Variants in CC2D2B observed in about 807,000 individuals in gnomAD.
CC2D2B encodes protein CC2D2B.
Under a neutral mutation model 161.2 loss-of-function variants are expected in CC2D2B, and 128 were observed. That is an observed-to-expected ratio of 0.79 (90% CI 0.69 to 0.92). CC2D2B has a LOEUF of 0.92. Ranked by LOEUF, CC2D2B falls within the 40% of genes least tolerant of loss-of-function variation. CC2D2B has a pLI of 0.00. For synonymous variants in CC2D2B, 391 were observed against 449.8 expected (o/e 0.87, Z 1.65); for missense variants, 1,173 against 1,375.1 (o/e 0.85, Z 2.32).
At chr10:95,927,365 A>G (rs775510563) in intron 6 of CC2D2B, 33 bp downstream of exon 6, 8 of 1,134,792 alleles carry the variant, frequency 7.0e-6, no homozygotes, top group Middle Eastern at 1.9e-4. Flanking sequence ...CCACCATCTC[A>G]CTCTCAGGAA....
intron 17 of CC2D2B, among the ~76,000 whole-genome samples, chr10:95,975,203 A>T (rs926994539): frequency 9.8e-5 from 15 of 152,352 alleles, no homozygotes; most frequent in African/African-American, 3.1e-4. Flanking sequence ...GAAAATTGTT[A>T]TACATAACTG....
chr10:95,988,278 T>C lies in CC2D2B; in HGVS notation c.2315T>C (p.Val772Ala). ...QEYESQKEKEVSVSDVNSITA... is the reference protein window; with the variant it reads ...QEYESQKEKEASVSDVNSITA... The stretch of plus-strand genomic sequence containing the variant: ...TATGAAAGTCAGAAAGAGAAGGAGG[T>C]ATCCGTTTCAGATGTAAATTCTATT... The change falls in exon 20 of 35, where the codon GTA becomes GCA. Residue 772 changes from valine (V) to alanine (A), a missense_variant. This residue lies in a region of CC2D2B where 277 missense variants were observed against 420.6 expected (regional missense o/e 0.66). Coordinates refer to ENST00000646931, the MANE Select transcript of CC2D2B (RefSeq NM_001349008.3). The C allele has an allele frequency of 8.2e-7, 1 of 1,226,498 alleles. No homozygotes were observed. The highest frequency in any genetic ancestry group is 1.0e-6 in the Non-Finnish European group (1 of 981,190). The allele number at this position is 1,226,498 out of a possible 1,614,324, so 76.0% of individuals were successfully genotyped here. A position where few individuals can be genotyped will look rare whatever the true frequency, so the allele number is the denominator to read the frequency against.
chr10:95,945,700 C>G (rs1475640876), intron 9 of CC2D2B, among the ~76,000 whole-genome samples: 9 of 151,930 alleles, frequency 5.9e-5, no homozygotes, highest in Non-Finnish European at 1.5e-5. Context: ...CTATTTAACT[C>G]ACTCGGTCAA....
chr10:95,944,545 G>A (rs544283018), intron 9 of CC2D2B, among the ~76,000 whole-genome samples: 12 of 152,328 alleles, frequency 7.9e-5, no homozygotes, highest in African/African-American at 2.6e-4. Context: ...ATATTTTGGT[G>A]TAATTATCTG....
rs78132234 is a variant in CC2D2B at position 95,922,728 on chromosome 10, C to G, written c.97+652C>G. ...CTAGGATTGCATGATCTTGCATGAT[C>G]TCTTTCATTCCATCCAGCAACCGAG... On this transcript the variant is annotated intron_variant, in intron 3 of 34. Transcript: ENST00000646931. Among the ~76,000 whole-genome samples, 811 of 152,248 alleles carry G rather than the reference C, an allele frequency of 5.3e-3. 13 individuals are homozygous for G. The East Asian group carries it at 0.068, about 13-fold the overall frequency.
intron 6 of CC2D2B, among the ~76,000 whole-genome samples, chr10:95,937,080 A>G (rs1455570970): frequency 6.6e-6 from 1 of 152,202 alleles, no homozygotes; most frequent in Non-Finnish European, 1.5e-5. Context: ...TGGCAGGGAT[A>G]TAGGAGGGAG....
chr10:95,984,528 AAT>A (rs1251584460), intron 19 of CC2D2B: 2 of 152,216 alleles, frequency 1.3e-5, no homozygotes, highest in Admixed American at 1.3e-4. Context: ...AGATAAAACA[AAT>A]ATGATAAAAT....
intron 3 of CC2D2B, among the ~76,000 whole-genome samples, 167 bp from the exon 4 acceptor site, chr10:95,924,147 A>G (rs1351065633): frequency 6.6e-6 from 1 of 152,216 alleles, no homozygotes; most frequent in Non-Finnish European, 1.5e-5. Flanking sequence ...AAGGACATCT[A>G]TTTGTCTTAG....
rs1303778687 is a variant in CC2D2B, at chr10:95,955,453, G to A, written c.1071G>A (p.Leu357=). ...ATGAAAATTCAGAAATTAACCAGCT[G>A]ACCAGAAAATCTTTACAAGATTATT... The part of the protein sequence containing the change: ...LSNENSEINQ[L]TRKSLQDYYW... The change falls in exon 11 of 35, where the codon CTG becomes CTA. Residue 357 remains leucine (L), a synonymous_variant. Transcript: ENST00000646931. The A allele has an allele frequency of 7.5e-6, 3 of 398,062 alleles. No individual in the cohort carries two copies. The highest frequency in any genetic ancestry group is 1.3e-5 in the Non-Finnish European group (3 of 225,580). 24.7% of individuals were successfully genotyped at this position (398,062 alleles called of 1,614,324 possible). A position where few individuals can be genotyped will look rare whatever the true frequency, so the allele number is the denominator to read the frequency against.
At chr10:96,027,097 T>C in intron 33 of CC2D2B, 115 bp from the exon 34 acceptor site, 1 of 723,978 alleles carries the variant, frequency 1.4e-6, no homozygotes, top group East Asian at 3.0e-5. Flanking sequence ...CACTCCAGCC[T>C]GGGGGACAAG....
At chr10:96,031,676 G>T (rs2080072341) in intron 34 of CC2D2B, 144 bp from the exon 35 acceptor site, 3 of 705,086 alleles carry the variant, frequency 4.3e-6, no homozygotes, top group Non-Finnish European at 7.4e-6. Context: ...GCTGTACCTA[G>T]AACATAATTT....
intron 24 of CC2D2B, 71 bp from the exon 25 acceptor site, chr10:96,004,081 G>A (rs1351356185): frequency 5.8e-6 from 5 of 863,174 alleles, no homozygotes; most frequent in Non-Finnish European, 7.1e-6. Context: ...AGTTCTTTAT[G>A]AATAGTGCTC....
intron 12 of CC2D2B, among the ~76,000 whole-genome samples, chr10:95,964,510 G>A (rs190029958): frequency 7.2e-5 from 11 of 152,194 alleles, no homozygotes; most frequent in South Asian, 2.1e-4. Flanking sequence ...CCCTGAATCC[G>A]AAGAAAATAA....
intron 22 of CC2D2B, among the ~76,000 whole-genome samples, chr10:95,993,813 T>G (rs1307690060): frequency 2.2e-5 from 3 of 138,874 alleles, no homozygotes; most frequent in Admixed American, 7.3e-5. Flanking sequence ...AGAATATATA[T>G]AGAGTGTATA....
chr10:96,020,245 T>C (rs922313250), intron 32 of CC2D2B: 1 of 155,280 alleles, frequency 6.4e-6, no homozygotes, highest in African/African-American at 2.4e-5. Flanking sequence ...ACAGAAACAC[T>C]AGCAGTGAGT....
intron 24 of CC2D2B, among the ~76,000 whole-genome samples, chr10:96,001,664 G>T (rs1040933154): frequency 3.3e-5 from 5 of 152,186 alleles, no homozygotes; most frequent in African/African-American, 1.2e-4. Context: ...CAAATTAGGG[G>T]TAGGGGAACT....
At chr10:95,988,689 T>C (rs1322578322) in intron 20 of CC2D2B, among the ~76,000 whole-genome samples, 1 of 152,228 alleles carries the variant, frequency 6.6e-6, no homozygotes, top group Non-Finnish European at 1.5e-5. Context: ...TCAAGGACTA[T>C]AGCAATTCAG....
Position 96,016,324 on chromosome 10 carries a change from G to A in CC2D2B, c.3630+10G>A. The A allele has an allele frequency of 6.7e-7, 1 of 1,497,348 alleles. No homozygotes were observed. The highest frequency in any genetic ancestry group is 9.3e-7 in the Non-Finnish European group (1 of 1,073,710). The allele number at this position is 1,497,348 out of a possible 1,614,324, so 92.8% of individuals were successfully genotyped here. A position where few individuals can be genotyped will look rare whatever the true frequency, so the allele number is the denominator to read the frequency against. On this transcript the variant is annotated intron_variant, in intron 30 of 34. Transcript: ENST00000646931. ...AACGTCAGTGTTAGAAGTAAGTGCT[G>A]GAGTTCATATTGAAATAATGTAAGC...
At position 96,027,235 on chromosome 10, in the gene CC2D2B, A is replaced by C; in HGVS notation, c.3971A>C (p.Lys1324Thr). The C allele has an allele frequency of 1.3e-6, 2 of 1,545,488 alleles. No individual in the cohort carries two copies. The highest frequency in any genetic ancestry group is 1.7e-6 in the Non-Finnish European group (2 of 1,144,468). ...AGGATCGAAAGGACTCTGAAGAGTAAAGTGATGGAATGGCGACCTAAACAC... is the reference window on the plus strand; with the variant it reads ...AGGATCGAAAGGACTCTGAAGAGTACAGTGATGGAATGGCGACCTAAACAC... The part of the protein sequence containing the change: ...RNRIERTLKS[K>T]VMEWRPKHPT... The change falls in exon 34 of 35, where the codon AAA (lysine) becomes ACA (threonine). Residue 1324 changes from lysine (K) to threonine (T), a missense_variant. This residue lies in a region of CC2D2B where 598 missense variants were observed against 693.2 expected (regional missense o/e 0.86). Coordinates refer to ENST00000646931, the MANE Select transcript of CC2D2B (RefSeq NM_001349008.3).
Sources: gnomAD v4.1 joint callset for allele counts (sites outside exome capture counted in the v4.1 genomes callset) on GRCh38, gnomAD v4.1.1 for gene constraint, gnomAD v4.1.1 regional missense constraint, MANE v1.5 for transcripts, NCBI Gene and HGNC (gene_info 2026-07-23, HGNC 2026-07-21) for gene names.